Variants in LRCH1 observed in about 807,000 individuals in gnomAD.
The protein encoded by LRCH1 is leucine rich repeats and calponin homology domain containing 1.
In LRCH1, 23 loss-of-function variants were observed where a neutral mutation model predicts 94.9. That is an observed-to-expected ratio of 0.24 (90% CI 0.17 to 0.34). The LOEUF is 0.34. LRCH1 is among the 10% of genes least tolerant of loss of function. The pLI is 1.00. For synonymous variants in LRCH1, 364 were observed against 354.9 expected (o/e 1.03, Z -0.29); for missense variants, 790 against 945.9 (o/e 0.84, Z 2.16).
chr13:46,559,100 T>C (rs780005329), intron 1 of LRCH1, among the ~76,000 whole-genome samples: 6 of 152,240 alleles, frequency 3.9e-5, no homozygotes, highest in Non-Finnish European at 7.3e-5. Context: ...TCTTTAGTCG[T>C]TGGAATTCAC....
intron 11 of LRCH1, 62 bp downstream of exon 11, chr13:46,701,269 C>A: frequency 1.7e-6 from 2 of 1,206,748 alleles, no homozygotes; most frequent in Non-Finnish European, 2.4e-6. Context: ...GTATGGAGTA[C>A]ATTGTCTAAA....
intron 1 of LRCH1, among the ~76,000 whole-genome samples, chr13:46,623,707 T>TTTC (rs397692968): frequency 7.3e-6 from 1 of 137,522 alleles, no homozygotes; most frequent in Non-Finnish European, 1.6e-5. Context: ...TTTTTTTTTT[T>TTTC]CTTTTTCTTT....
intron 1 of LRCH1, among the ~76,000 whole-genome samples, chr13:46,603,669 AC>A (rs2050655820): frequency 1.3e-5 from 2 of 152,204 alleles, no homozygotes; most frequent in Non-Finnish European, 2.9e-5. Context: ...TGGATACTTT[AC>A]TATTCAGAGT....
At chr13:46,721,123 C>T (rs2138215415) in intron 16 of LRCH1, among the ~76,000 whole-genome samples, 1 of 152,250 alleles carries the variant, frequency 6.6e-6, no homozygotes, top group South Asian at 2.1e-4. Flanking sequence ...TTTCGTTATC[C>T]TGATATCTCA....
chr13:46,686,068 G>GC lies in LRCH1; in HGVS notation c.822+31dup, dbSNP rs752909972. 2.0e-4 allele frequency: 310 copies of GC among 1,521,528 alleles called. 1 individual carries two copies. The African/African-American group carries it at 3.8e-3, about 19-fold the overall frequency. The allele number at this position is 1,521,528 out of a possible 1,614,324, so 94.3% of individuals were successfully genotyped here. A position where few individuals can be genotyped will look rare whatever the true frequency, so the allele number is the denominator to read the frequency against. ...TGAGGGGTCTTGCAGCAAAGCCAATGCCCCATGGGATGTGCTGTTATAGGA... is the reference window on the plus strand; with the variant it reads ...TGAGGGGTCTTGCAGCAAAGCCAATGCCCCCATGGGATGTGCTGTTATAGGA... On this transcript the variant is annotated intron_variant, in intron 5 of 19. Transcript: ENST00000389797.
chr13:46,595,747 G>T (rs2050554041), intron 1 of LRCH1, among the ~76,000 whole-genome samples: 1 of 152,072 alleles, frequency 6.6e-6, no homozygotes, highest in Admixed American at 6.6e-5. Context: ...ATAAACTCAA[G>T]GAAACAAAAA....
chr13:46,701,802 A>G (rs1871489859), intron 11 of LRCH1, among the ~76,000 whole-genome samples: 1 of 152,248 alleles, frequency 6.6e-6, no homozygotes, highest in South Asian at 2.1e-4. Context: ...TTTCAGCTAA[A>G]CAATAGCAGG....
intron 1 of LRCH1, among the ~76,000 whole-genome samples, chr13:46,568,161 A>G (rs1254531701): frequency 6.6e-6 from 1 of 152,204 alleles, no homozygotes; most frequent in Non-Finnish European, 1.5e-5. Context: ...TCTTTAGAGA[A>G]CACAATAGAT....
chr13:46,734,002 A>G lies in LRCH1; in HGVS notation c.2085+4A>G. The G allele has an allele frequency of 6.5e-7, 1 of 1,541,042 alleles. No homozygotes were observed. Among genetic ancestry groups the G allele is most frequent in the Non-Finnish European group, 8.9e-7 (1 of 1,122,228 alleles). Reference sequence around the variant, plus strand: ...CCGAAAATTAGGAGTACCAGAGGTAACATCAAACTTACTTCATATAACTGT... The same window carrying G: ...CCGAAAATTAGGAGTACCAGAGGTAGCATCAAACTTACTTCATATAACTGT... On this transcript the variant is annotated splice_donor_region_variant and intron_variant, in intron 19 of 19. Coordinates refer to ENST00000389797, the MANE Select transcript of LRCH1 (RefSeq NM_001164211.2).
chr13:46,726,349 CT>C (rs1441021777), intron 17 of LRCH1, among the ~76,000 whole-genome samples: 15 of 152,198 alleles, frequency 9.9e-5, no homozygotes, highest in African/African-American at 3.6e-4. Context: ...CTCCAGGGGA[CT>C]TTCTTTTTGC....
intron 1 of LRCH1, among the ~76,000 whole-genome samples, chr13:46,643,645 C>A (rs60746456): frequency 0.086 from 13,114 of 152,204 alleles, 665 homozygotes; most frequent in Middle Eastern, 0.16. Context: ...CAAAGACACA[C>A]TATGATTTCC....
intron 1 of LRCH1, among the ~76,000 whole-genome samples, chr13:46,635,074 C>A (rs985293107): frequency 3.9e-5 from 6 of 152,180 alleles, no homozygotes; most frequent in Non-Finnish European, 8.8e-5. Context: ...AGGTTGAACA[C>A]AACCAAGTGA....
At position 46,720,621 on chromosome 13, in the gene LRCH1, T is replaced by C. The variant is rs149354802; in HGVS notation, c.1760-2600T>C. On this transcript the variant is annotated intron_variant, in intron 16 of 19. Transcript: ENST00000389797. ...AGGGAGCTCTTGAAATTTAGTGATA[T>C]GAAATTAAGGAAAAGCAGAATAATT... Among the ~76,000 whole-genome samples, 336 of 152,092 alleles carry C rather than the reference T, an allele frequency of 2.2e-3. 2 individuals carry two copies. Among genetic ancestry groups the C allele is most frequent in the African/African-American group, 7.9e-3 (328 of 41,558 alleles).
chr13:46,687,308 A>G (rs371912223), intron 5 of LRCH1, among the ~76,000 whole-genome samples: 2 of 152,250 alleles, frequency 1.3e-5, no homozygotes, highest in African/African-American at 4.8e-5. Flanking sequence ...TAAACACCTT[A>G]AAACATGGTT....
At chr13:46,691,812 C>T (rs1226094540) in intron 7 of LRCH1, among the ~76,000 whole-genome samples, 1 of 152,196 alleles carries the variant, frequency 6.6e-6, no homozygotes, top group Non-Finnish European at 1.5e-5. Flanking sequence ...GCCTCAGCCT[C>T]CCTTATAGCT....
chr13:46,665,048 T>C (rs1223039423), intron 2 of LRCH1, among the ~76,000 whole-genome samples: 1 of 152,196 alleles, frequency 6.6e-6, no homozygotes, highest in Non-Finnish European at 1.5e-5. Context: ...ATTTGTTATA[T>C]AAATTTTTCT....
chr13:46,678,438 T>C (rs1411400490), intron 3 of LRCH1, among the ~76,000 whole-genome samples: 1 of 152,208 alleles, frequency 6.6e-6, no homozygotes, highest in Non-Finnish European at 1.5e-5. Context: ...AGTAGTGAAA[T>C]GTTATCTTAT....
chr13:46,650,925 A>G (rs368529411), intron 2 of LRCH1, among the ~76,000 whole-genome samples: 4 of 152,190 alleles, frequency 2.6e-5, no homozygotes, highest in African/African-American at 7.2e-5. Context: ...TTTGCTGAGC[A>G]TGGTTTAGTA....
At chr13:46,735,809 T>TTTTTTTTTTTTC (rs1566257882) in intron 19 of LRCH1, among the ~76,000 whole-genome samples, 3 of 137,744 alleles carry the variant, frequency 2.2e-5, no homozygotes, top group Admixed American at 7.4e-5. Context: ...TTTTTTTTTT[T>TTTTTTTTTTTTC]CGAGATGGAG....
Sources: allele counts gnomAD v4.1 joint callset (sites outside exome capture counted in the v4.1 genomes callset), GRCh38; gene constraint gnomAD v4.1.1; transcripts MANE v1.5; gene names NCBI Gene and HGNC (gene_info 2026-07-23, HGNC 2026-07-21).